SAMD12: variants seen among roughly 807,000 people sequenced by gnomAD.
SAMD12 encodes the protein sterile alpha motif domain-containing protein 12.
Under a neutral mutation model 15.0 loss-of-function variants are expected in SAMD12, and 9 were observed. That is an observed-to-expected ratio of 0.60 (90% CI 0.36 to 1.05). SAMD12 has a LOEUF of 1.05. Ranked by LOEUF, SAMD12 falls within the 50% of genes least tolerant of loss-of-function variation. SAMD12 has a pLI of 0.01. For synonymous variants in SAMD12, 86 were observed against 90.1 expected (o/e 0.96, Z 0.25); for missense variants, 230 against 234.2 (o/e 0.98, Z 0.12).
chr8:118,523,149 AG>A (rs922168453), intron 2 of SAMD12, among the ~76,000 whole-genome samples: 1 of 152,214 alleles, frequency 6.6e-6, no homozygotes, highest in African/African-American at 2.4e-5. Context: ...GATGCACAAA[AG>A]TTTGAAAATT....
intron 4 of SAMD12, among the ~76,000 whole-genome samples, chr8:118,239,022 G>A (rs1267083305): frequency 1.3e-5 from 2 of 152,150 alleles, no homozygotes; most frequent in Non-Finnish European, 2.9e-5. Flanking sequence ...AGAAGTACCT[G>A]AAGTGGAAAA....
intron 4 of SAMD12, among the ~76,000 whole-genome samples, chr8:118,335,530 T>C (rs1817015402): frequency 6.6e-6 from 1 of 152,186 alleles, no homozygotes; most frequent in Non-Finnish European, 1.5e-5. Flanking sequence ...ACACACTAAA[T>C]GCTTTCCCCT....
the SAMD12 span, among the ~76,000 whole-genome samples, chr8:118,154,462 C>T: frequency 6.6e-6 from 1 of 152,266 alleles, no homozygotes; most frequent in African/African-American, 2.4e-5. Context: ...ACATGCTGTT[C>T]ATACTGTTAT....
At chr8:118,479,598 T>C (rs1322863308) in intron 2 of SAMD12, among the ~76,000 whole-genome samples, 1 of 152,136 alleles carries the variant, frequency 6.6e-6, no homozygotes, top group Non-Finnish European at 1.5e-5. Flanking sequence ...CAAGATGAGA[T>C]TTGGGTGGGG....
chr8:118,269,245 TG>T (rs1813284812), intron 4 of SAMD12, among the ~76,000 whole-genome samples: 4 of 151,620 alleles, frequency 2.6e-5, no homozygotes, highest in African/African-American at 7.3e-5. Context: ...TGTGTGTGTG[TG>T]TGTGTGTGTG....
intron 4 of SAMD12, among the ~76,000 whole-genome samples, chr8:118,235,489 A>C (rs1279058983): frequency 3.3e-5 from 5 of 151,586 alleles, no homozygotes; most frequent in Non-Finnish European, 7.3e-5. Context: ...GATTACAAGC[A>C]TGAGAAGTCT....
chr8:118,333,154 T>C (rs1247874843), intron 4 of SAMD12, among the ~76,000 whole-genome samples: 3 of 152,172 alleles, frequency 2.0e-5, no homozygotes, highest in Non-Finnish European at 4.4e-5. Context: ...CTCACTCACA[T>C]ATTTTCCTGG....
At chr8:118,551,226 T>C (rs886586188) in intron 2 of SAMD12, among the ~76,000 whole-genome samples, 2 of 152,026 alleles carry the variant, frequency 1.3e-5, no homozygotes, top group African/African-American at 2.4e-5. Flanking sequence ...AATATACATT[T>C]TTTTCAGCAC....
At chr8:118,132,995 T>TAC in the SAMD12 span, among the ~76,000 whole-genome samples, 3 of 86,710 alleles carry the variant, frequency 3.5e-5, no homozygotes. Context: ...TATATATATA[T>TAC]ATATATATAT....
intron 4 of SAMD12, among the ~76,000 whole-genome samples, chr8:118,283,294 T>A (rs1813749866): frequency 6.6e-6 from 1 of 152,232 alleles, no homozygotes; most frequent in African/African-American, 2.4e-5. Context: ...CTTTTGGTCA[T>A]ATTCATCAAT....
intron 2 of SAMD12, among the ~76,000 whole-genome samples, chr8:118,511,358 T>A (rs1825074335): frequency 6.6e-6 from 1 of 152,208 alleles, no homozygotes; most frequent in Non-Finnish European, 1.5e-5. Flanking sequence ...ACAAATCCAC[T>A]TTTTTCACGG....
At chr8:118,275,885 A>G (rs1190249708) in intron 4 of SAMD12, among the ~76,000 whole-genome samples, 1 of 152,182 alleles carries the variant, frequency 6.6e-6, no homozygotes, top group African/African-American at 2.4e-5. Context: ...AAAGGACATG[A>G]TTTCATTCTT....
chr8:118,249,547 T>C (rs1812773125), intron 4 of SAMD12, among the ~76,000 whole-genome samples: 1 of 152,178 alleles, frequency 6.6e-6, no homozygotes, highest in African/African-American at 2.4e-5. Context: ...TTTATGTACG[T>C]ATGCATCACA....
chr8:118,552,345 C>T (rs563925678), intron 2 of SAMD12, among the ~76,000 whole-genome samples: 4 of 152,270 alleles, frequency 2.6e-5, no homozygotes, highest in African/African-American at 9.6e-5. Flanking sequence ...AAGTGGGCTT[C>T]ATCCCTGGGA....
Position 118,340,884 on chromosome 8 carries a change from A to G in SAMD12, c.433+38676T>C, listed in dbSNP as rs145009549. On this transcript the variant is annotated intron_variant, in intron 4 of 4. Coordinates refer to the SAMD12 transcript ENST00000409003. Reference sequence around the variant, plus strand: ...CCAGGATGTAAAACAATTGAAGTAAAGCCAGAGGAAGGAATGGGGATCAGA... The same window carrying G: ...CCAGGATGTAAAACAATTGAAGTAAGGCCAGAGGAAGGAATGGGGATCAGA... Among the ~76,000 whole-genome samples, 290 of 152,356 alleles carry G rather than the reference A, an allele frequency of 1.9e-3. 2 individuals are homozygous for G. Among genetic ancestry groups the G allele is most frequent in the Middle Eastern group, 0.017 (5 of 294 alleles).
chr8:118,185,699 G>A (rs559616128), downstream of SAMD12, among the ~76,000 whole-genome samples: 1 of 152,176 alleles, frequency 6.6e-6, no homozygotes, highest in Non-Finnish European at 1.5e-5. Context: ...TTAAAATATA[G>A]AGAGATATGA....
chr8:118,596,600 T>C (rs540859163), intron 1 of SAMD12, among the ~76,000 whole-genome samples: 1 of 152,364 alleles, frequency 6.6e-6, no homozygotes, highest in Non-Finnish European at 1.5e-5. Context: ...GCCTGGCAAC[T>C]CAACTACTTT....
In SAMD12 at chr8:118,366,812, C is replaced by CAAAAATA. The variant is rs201807072; in HGVS notation, c.433+12747_433+12748insTATTTTT. ...GGGCAACAAGAGTGAAACTCTGTCT[C>CAAAAATA]AAATAAAATAAAATAAAATAAAATA... On this transcript the variant is annotated intron_variant, in intron 4 of 4. Coordinates refer to the SAMD12 transcript ENST00000409003. Among the ~76,000 whole-genome samples, 81 of 78,086 alleles carry CAAAAATA rather than the reference C, an allele frequency of 1.0e-3. 1 individual carries two copies. Among genetic ancestry groups the CAAAAATA allele is most frequent in the East Asian group, 3.3e-3 (9 of 2,746 alleles). The allele number at this position is 78,086 out of a possible 152,430, so 51.2% of individuals were successfully genotyped here.
intron 4 of SAMD12, among the ~76,000 whole-genome samples, chr8:118,219,957 C>T (rs1812049415): frequency 1.3e-5 from 2 of 152,204 alleles, no homozygotes; most frequent in African/African-American, 2.4e-5. Flanking sequence ...GTTCATTACA[C>T]AGTAATGGAT....
Sources: gnomAD v4.1 joint callset for allele counts (sites outside exome capture counted in the v4.1 genomes callset) on GRCh38, gnomAD v4.1.1 for gene constraint, MANE v1.5 for transcripts, NCBI Gene and HGNC (gene_info 2026-07-23, HGNC 2026-07-21) for gene names.